Variants in TRPS1 observed in about 807,000 individuals in gnomAD.
TRPS1 encodes the protein zinc finger transcription factor Trps1.
Under a neutral mutation model 101.2 loss-of-function variants are expected in TRPS1, and 6 were observed. The ratio of observed to expected loss-of-function variants is 0.06; its 90% CI spans 0.03 to 0.12. TRPS1 has a LOEUF of 0.12. Ranked by LOEUF, TRPS1 falls within the 10% of genes least tolerant of loss-of-function variation. TRPS1 has a pLI of 1.00. For synonymous variants in TRPS1, 578 were observed against 589.8 expected (o/e 0.98, Z 0.29); for missense variants, 1,363 against 1,567.0 (o/e 0.87, Z 2.20).
Position 115,418,834 on chromosome 8 carries a change from C to T in TRPS1, c.2701-382G>A, listed in dbSNP as rs1333949134. 6.6e-6 allele frequency among the ~76,000 whole-genome samples: 1 copy of T among 152,138 alleles called. No homozygotes were observed. The highest frequency in any genetic ancestry group is 2.4e-5 in the African/African-American group (1 of 41,444). ...TAATACACTTTGGAAAGGAGGAGCA[C>T]ATGCTACCTGAGCTTTAAAATATAG... is the stretch of plus-strand genomic sequence containing the variant. On this transcript the variant is annotated intron_variant, in intron 5 of 6. Coordinates refer to ENST00000395715, the MANE Select transcript of TRPS1 (RefSeq NM_014112.5). This position sits in a 1 kb window ranked among gnomAD's most constrained non-coding sequence, Gnocchi z 4.3.
At chr8:115,620,759 GA>G in intron 2 of TRPS1, among the ~76,000 whole-genome samples, 1 of 152,314 alleles carries the variant, frequency 6.6e-6, no homozygotes, top group African/African-American at 2.4e-5. Flanking sequence ...GGGCTTGCCT[GA>G]AAGTCAGAAG....
intron 5 of TRPS1, among the ~76,000 whole-genome samples, chr8:115,487,414 G>C (rs1364807620): frequency 6.6e-6 from 1 of 152,004 alleles, no homozygotes; most frequent in Non-Finnish European, 1.5e-5. Context: ...GAGTAATTAG[G>C]ACTTTTCAAG....
chr8:115,645,774 G>GA, intron 1 of TRPS1, among the ~76,000 whole-genome samples: 1 of 152,104 alleles, frequency 6.6e-6, no homozygotes. Context: ...TGTACAATGT[G>GA]AAAAAACAAT....
chr8:115,591,080 T>C (rs1006397815), intron 4 of TRPS1, among the ~76,000 whole-genome samples: 2 of 152,178 alleles, frequency 1.3e-5, no homozygotes, highest in Admixed American at 1.3e-4. Flanking sequence ...TTTAATGACA[T>C]GAAAGAATGA....
intron 5 of TRPS1, among the ~76,000 whole-genome samples, chr8:115,463,608 A>G (rs960908847): frequency 2.0e-5 from 3 of 152,158 alleles, no homozygotes; most frequent in Non-Finnish European, 4.4e-5. Context: ...GTCAACATGG[A>G]AACCCTCATT....
chr8:115,549,160 G>A (rs1235491598), intron 5 of TRPS1, among the ~76,000 whole-genome samples: 2 of 152,106 alleles, frequency 1.3e-5, no homozygotes, highest in Non-Finnish European at 2.9e-5. Context: ...AAGCCGAACT[G>A]TTCCTACTGT....
chr8:115,522,242 T>C (rs1373338652), intron 5 of TRPS1, among the ~76,000 whole-genome samples: 7 of 152,010 alleles, frequency 4.6e-5, no homozygotes. Flanking sequence ...TAAAGTGTAA[T>C]ATCAATGAGT....
chr8:115,600,913 T>C (rs932836614), intron 4 of TRPS1, among the ~76,000 whole-genome samples: 1 of 152,120 alleles, frequency 6.6e-6, no homozygotes, highest in Non-Finnish European at 1.5e-5. Context: ...AACCCAGTTA[T>C]AGTCTGAGTT....
At chr8:115,416,606 T>A (rs1812927687) in intron 6 of TRPS1, among the ~76,000 whole-genome samples, 2 of 149,952 alleles carry the variant, frequency 1.3e-5, no homozygotes, top group Non-Finnish European at 3.0e-5. Context: ...AAAACATAAA[T>A]ATAAGTGTAA....
At chr8:115,539,361 CA>C (rs1816398370) in intron 5 of TRPS1, among the ~76,000 whole-genome samples, 1 of 152,198 alleles carries the variant, frequency 6.6e-6, no homozygotes, top group East Asian at 1.9e-4. Flanking sequence ...TATTTAGCTT[CA>C]GCTATCTAAT....
chr8:115,414,113 G>A lies in TRPS1; in HGVS notation c.3795C>T (p.Cys1265=), dbSNP rs778384778. The A allele has an allele frequency of 3.1e-6, 5 of 1,613,784 alleles. No individual in the cohort carries two copies. Among genetic ancestry groups the A allele is most frequent in the East Asian group, 4.5e-5 (2 of 44,866 alleles). ...GTGTTGTGAAGTCATATTTGTCCGT[G>A]CAAAGATGCTGGCATATGCTGCACT... ...PFQCSICQHL[C]TDKYDFTTHI... is the part of the protein sequence containing the mutation. Residue 1265 remains cysteine, a synonymous_variant, in exon 7 of 7, where the codon TGC becomes TGT. Coordinates refer to ENST00000395715, the MANE Select transcript of TRPS1 (RefSeq NM_014112.5). This position sits in a 1 kb window ranked among gnomAD's most constrained non-coding sequence, Gnocchi z 4.8.
intron 3 of TRPS1, among the ~76,000 whole-genome samples, chr8:115,606,289 A>T (rs183213643): frequency 9.8e-5 from 15 of 152,304 alleles, no homozygotes; most frequent in African/African-American, 3.6e-4. Context: ...TTGCTATTAA[A>T]AAGAGATGTG....
At chr8:115,461,894 A>T (rs1452253272) in intron 5 of TRPS1, among the ~76,000 whole-genome samples, 2 of 152,210 alleles carry the variant, frequency 1.3e-5, no homozygotes, top group Non-Finnish European at 2.9e-5. Flanking sequence ...TAATATAACG[A>T]AAGTAAAATC....
At chr8:115,638,839 AAG>A (rs1218148680) in intron 1 of TRPS1, among the ~76,000 whole-genome samples, 2 of 152,312 alleles carry the variant, frequency 1.3e-5, no homozygotes, top group African/African-American at 4.8e-5. Context: ...ATAAACAGAA[AAG>A]AGAGTACAAA....
chr8:115,438,440 G>A (rs1300804459), intron 5 of TRPS1, among the ~76,000 whole-genome samples: 1 of 152,158 alleles, frequency 6.6e-6, no homozygotes, highest in Non-Finnish European at 1.5e-5. Context: ...TTCTGCTTCA[G>A]AGGAAAATAA....
chr8:115,609,350 T>C (rs183234212), intron 3 of TRPS1, among the ~76,000 whole-genome samples: 20 of 152,332 alleles, frequency 1.3e-4, no homozygotes, highest in African/African-American at 4.1e-4. Flanking sequence ...ATCAATATTC[T>C]TAGCTGTAAA....
chr8:115,620,477 A>G, intron 2 of TRPS1, among the ~76,000 whole-genome samples: 1 of 152,290 alleles, frequency 6.6e-6, no homozygotes, highest in East Asian at 1.9e-4. Context: ...TATGTTTATA[A>G]AATACATATA....
intron 1 of TRPS1, among the ~76,000 whole-genome samples, chr8:115,649,262 T>C (rs1213708501): frequency 6.6e-6 from 1 of 152,088 alleles, no homozygotes; most frequent in Non-Finnish European, 1.5e-5. Flanking sequence ...CTGTTAACAT[T>C]AAAAAGTCAG....
intron 1 of TRPS1, among the ~76,000 whole-genome samples, chr8:115,646,535 A>G (rs1424768410): frequency 6.6e-6 from 1 of 152,204 alleles, no homozygotes; most frequent in Non-Finnish European, 1.5e-5. Context: ...AAAAGTTTAG[A>G]AAATACTGTG....
Sources: gnomAD v4.1 joint callset for allele counts (sites outside exome capture counted in the v4.1 genomes callset) on GRCh38, gnomAD v4.1.1 for gene constraint, Gnocchi (gnomAD v3.1) non-coding constraint, MANE v1.5 for transcripts, NCBI Gene and HGNC (gene_info 2026-07-23, HGNC 2026-07-21) for gene names.